The following TMEM117 variants were observed in gnomAD, a reference collection of about 807,000 sequenced individuals.
TMEM117 encodes transmembrane protein 117.
TMEM117 carries 27 observed loss-of-function variants against 52.4 expected under a neutral mutation model. The observed-to-expected ratio is 0.51, with a 90% CI of 0.38 to 0.71. TMEM117 has a LOEUF of 0.71. Ranked by LOEUF, TMEM117 falls within the 30% of genes least tolerant of loss-of-function variation. The pLI, the probability that TMEM117 is intolerant of heterozygous loss-of-function variation, is 0.00. For synonymous variants in TMEM117, 215 were observed against 206.3 expected (o/e 1.04, Z -0.36); for missense variants, 556 against 630.5 (o/e 0.88, Z 1.26).
At chr12:44,376,492 T>G (rs769311899) in intron 6 of TMEM117, 103 bp from the exon 7 acceptor site, 3 of 1,360,862 alleles carry the variant, frequency 2.2e-6, no homozygotes, top group South Asian at 2.5e-5. Context: ...TGGCTGCATT[T>G]AAATGATTTT....
chr12:44,390,095 C>T (rs1952151674), downstream of TMEM117, among the ~76,000 whole-genome samples: 1 of 151,946 alleles, frequency 6.6e-6, no homozygotes, highest in South Asian at 2.1e-4. Flanking sequence ...ACTTGAGAGC[C>T]AGCTTTAATA....
intron 4 of TMEM117, among the ~76,000 whole-genome samples, chr12:44,202,305 T>G (rs1182017943): frequency 6.6e-6 from 1 of 152,152 alleles, no homozygotes; most frequent in African/African-American, 2.4e-5. Context: ...TAAAAAGGTA[T>G]GATGGTTCTT....
chr12:44,316,612 C>G (rs1304399556), intron 6 of TMEM117, among the ~76,000 whole-genome samples: 2 of 152,004 alleles, frequency 1.3e-5, no homozygotes, highest in East Asian at 3.9e-4. Context: ...ATTTCTTGTT[C>G]CTGGGTGTCT....
At chr12:43,967,637 C>A (rs1945507548) in intron 3 of TMEM117, among the ~76,000 whole-genome samples, 1 of 152,110 alleles carries the variant, frequency 6.6e-6, no homozygotes, top group Non-Finnish European at 1.5e-5. Flanking sequence ...AGTTCCTTCC[C>A]AGATCAAGCC....
At chr12:44,064,760 G>C (rs1947195835) in intron 3 of TMEM117, among the ~76,000 whole-genome samples, 1 of 152,162 alleles carries the variant, frequency 6.6e-6, no homozygotes, top group African/African-American at 2.4e-5. Context: ...CTATAATGGA[G>C]AGATGTAGGT....
At chr12:44,188,991 T>C (rs1416697806) in intron 4 of TMEM117, among the ~76,000 whole-genome samples, 1 of 152,170 alleles carries the variant, frequency 6.6e-6, no homozygotes, top group Non-Finnish European at 1.5e-5. Context: ...GATACATTCA[T>C]ATAATGTGTA....
rs568775488 is a variant in TMEM117, at chr12:43,917,947, G to T, written c.278-26263G>T. Among the ~76,000 whole-genome samples, 4 of 152,202 alleles carry T rather than the reference G, an allele frequency of 2.6e-5. No homozygotes were observed. In the South Asian group the frequency reaches 8.3e-4, roughly 32 times the overall value. On this transcript the variant is annotated intron_variant, in intron 2 of 7. Transcript: ENST00000266534. Reference sequence around the variant, plus strand: ...ACTTGATCTCTATTCCAGTCACTTGGTCTATGGCATTGAGTCATCTTTACT... The same window carrying T: ...ACTTGATCTCTATTCCAGTCACTTGTTCTATGGCATTGAGTCATCTTTACT...
chr12:44,158,457 C>T (rs912999697), intron 4 of TMEM117, among the ~76,000 whole-genome samples: 2 of 152,058 alleles, frequency 1.3e-5, no homozygotes, highest in Non-Finnish European at 2.9e-5. Context: ...AACATAAAGG[C>T]GAGATAGTGT....
chr12:44,333,467 A>G (rs763515905), intron 6 of TMEM117, among the ~76,000 whole-genome samples: 14 of 151,854 alleles, frequency 9.2e-5, no homozygotes, highest in Non-Finnish European at 1.9e-4. Flanking sequence ...TGTGGGAGGG[A>G]CATGGTGGGC....
intron 4 of TMEM117, among the ~76,000 whole-genome samples, chr12:44,165,847 AT>A (rs1948959758): frequency 6.6e-6 from 1 of 152,204 alleles, no homozygotes; most frequent in South Asian, 2.1e-4. Flanking sequence ...GAAACATTGG[AT>A]TTAAACTGCA....
intron 3 of TMEM117, among the ~76,000 whole-genome samples, chr12:44,094,417 G>T (rs1223758427): frequency 6.6e-6 from 1 of 152,048 alleles, no homozygotes; most frequent in African/African-American, 2.4e-5. Context: ...CTTTACCCAG[G>T]AGCTTGCATT....
chr12:44,354,445 C>T (rs1237483323), intron 6 of TMEM117, among the ~76,000 whole-genome samples: 2 of 152,036 alleles, frequency 1.3e-5, no homozygotes, highest in Non-Finnish European at 1.5e-5. Context: ...CCAAATCCAG[C>T]AGCACATCAA....
At chr12:44,299,262 C>G (rs1170552981) in intron 5 of TMEM117, among the ~76,000 whole-genome samples, 1 of 151,820 alleles carries the variant, frequency 6.6e-6, no homozygotes, top group East Asian at 1.9e-4. Flanking sequence ...TCCCAAGTAG[C>G]TGGGACTACA....
At chr12:44,082,251 A>G (rs1255987214) in intron 3 of TMEM117, among the ~76,000 whole-genome samples, 1 of 151,962 alleles carries the variant, frequency 6.6e-6, no homozygotes, top group Non-Finnish European at 1.5e-5. Flanking sequence ...GAAAGTAACA[A>G]TTAAAAATTT....
chr12:43,893,623 T>A, intron 2 of TMEM117, among the ~76,000 whole-genome samples: 1 of 152,204 alleles, frequency 6.6e-6, no homozygotes. Flanking sequence ...CAATCTCCTT[T>A]AGCCATTTTT....
chr12:43,864,813 A>G (rs1335492863), intron 2 of TMEM117, among the ~76,000 whole-genome samples: 1 of 151,426 alleles, frequency 6.6e-6, no homozygotes, highest in African/African-American at 2.4e-5. Context: ...CACTGTGGGA[A>G]CTTTGTTCTT....
intron 3 of TMEM117, among the ~76,000 whole-genome samples, chr12:44,093,295 GTCTC>G (rs1242769623): frequency 6.6e-6 from 1 of 152,028 alleles, no homozygotes. Flanking sequence ...TAAAGACTTT[GTCTC>G]TCTAACTTTG....
In TMEM117 at chr12:44,155,388, A is replaced by G. The variant is rs549611005; in HGVS notation, c.510+11764A>G. 3.9e-5 allele frequency among the ~76,000 whole-genome samples: 6 copies of G among 152,196 alleles called. No individual in the cohort carries two copies. The East Asian group carries it at 7.7e-4, about 20-fold the overall frequency. On this transcript the variant is annotated intron_variant, in intron 4 of 7. Coordinates refer to ENST00000266534, the MANE Select transcript of TMEM117 (RefSeq NM_032256.3). Reference sequence around the variant, plus strand: ...TTAACTTTCTCTTATTAATCTCTCAATGGTCTTGTTCCAGCCAGCCCCTCC... The same window carrying G: ...TTAACTTTCTCTTATTAATCTCTCAGTGGTCTTGTTCCAGCCAGCCCCTCC...
chr12:43,993,076 G>C (rs186912546), intron 3 of TMEM117, among the ~76,000 whole-genome samples: 1 of 152,218 alleles, frequency 6.6e-6, no homozygotes, highest in East Asian at 1.9e-4. Context: ...CCTTGATTAT[G>C]TAGGCAGAGA....
Sources: gnomAD v4.1 joint callset for allele counts (sites outside exome capture counted in the v4.1 genomes callset) on GRCh38, gnomAD v4.1.1 for gene constraint, MANE v1.5 for transcripts, NCBI Gene and HGNC (gene_info 2026-07-23, HGNC 2026-07-21) for gene names.